Variants in PIEZO2 observed in about 807,000 individuals in gnomAD.
The protein encoded by PIEZO2 is piezo-type mechanosensitive ion channel component 2.
PIEZO2 carries 172 observed loss-of-function variants against 337.3 expected under a neutral mutation model. The ratio of observed to expected loss-of-function variants is 0.51; its 90% confidence interval spans 0.45 to 0.58. PIEZO2 has a LOEUF of 0.58. Among genes scored for constraint, PIEZO2 ranks in the 20% least tolerant of loss-of-function variants. The probability of loss-of-function intolerance (pLI) is 0.00; values close to 1 mark genes in which losing one functional copy is unlikely to be tolerated. For missense variants in PIEZO2, 3,028 were observed against 3,391.3 expected (o/e 0.89, Z 2.66); for synonymous variants, 1,251 against 1,228.5 (o/e 1.02, Z -0.38).
intron 33 of PIEZO2, 65 bp downstream of exon 33, chr18:10,740,966 T>A (rs1166706430): frequency 1.4e-6 from 2 of 1,476,080 alleles, no homozygotes; most frequent in Non-Finnish European, 1.8e-6. Context: ...CGGGAACGCC[T>A]GAATTCTGGT....
chr18:10,805,000 C>G (rs1479334954), intron 8 of PIEZO2, among the ~76,000 whole-genome samples: 1 of 152,164 alleles, frequency 6.6e-6, no homozygotes, highest in Non-Finnish European at 1.5e-5. Context: ...GGCCTATAGC[C>G]TAGAAGGTCT....
In PIEZO2 at chr18:10,976,785, G is replaced by A. The variant is rs143994898; in HGVS notation, c.286+2750C>T. ...CATATATTTAGGAGCGAGGTTAGGA[G>A]AGGCAGACCTAGCTCCTTAATACTG... is the stretch of plus-strand genomic sequence containing the variant. On this transcript the variant is annotated intron_variant, in intron 3 of 55. Transcript: ENST00000674853. Among the ~76,000 whole-genome samples, 476 of 152,246 alleles carry A rather than the reference G, an allele frequency of 3.1e-3. 3 individuals carry two copies. Among genetic ancestry groups the A allele is most frequent in the African/African-American group, 0.011 (448 of 41,528 alleles).
chr18:10,713,679 T>C lies in PIEZO2; in HGVS notation c.5423+1085A>G, dbSNP rs1326034961. Among the ~76,000 whole-genome samples the C allele has an allele frequency of 6.6e-6, 1 of 152,216 alleles. No homozygotes were observed. The highest frequency in any genetic ancestry group is 1.5e-5 in the Non-Finnish European group (1 of 68,044). On this transcript the variant is annotated intron_variant, in intron 39 of 55. Coordinates refer to ENST00000674853, the MANE Select transcript of PIEZO2 (RefSeq NM_001378183.1). The surrounding 1 kb of genome is among the most constrained non-coding windows in gnomAD (Gnocchi z 4.5). ...TTAGGGGATTACTCTTATCTTTATATGCCTCTCCCAGAATAGAGCCCAGGG... is the reference window on the plus strand; with the variant it reads ...TTAGGGGATTACTCTTATCTTTATACGCCTCTCCCAGAATAGAGCCCAGGG...
chr18:10,869,861 C>A (rs186161239), intron 5 of PIEZO2, among the ~76,000 whole-genome samples: 1 of 152,014 alleles, frequency 6.6e-6, no homozygotes, highest in African/African-American at 2.4e-5. Context: ...TATCTTTTAC[C>A]CATAAGAATT....
At position 10,863,676 on chromosome 18, in the gene PIEZO2, C is replaced by A. The variant is rs2041933218; in HGVS notation, c.493-6465G>T. ...GAACTATTCTGACCCTGCACTTGAA[C>A]TTTTTTAAAACTTCCCAGGTTAATT... On this transcript the variant is annotated intron_variant, in intron 5 of 55. Coordinates refer to ENST00000674853, the MANE Select transcript of PIEZO2 (RefSeq NM_001378183.1). The surrounding 1 kb of genome is among the most constrained non-coding windows in gnomAD (Gnocchi z 4.3). Among the ~76,000 whole-genome samples the A allele has an allele frequency of 1.3e-5, 2 of 152,300 alleles. No homozygotes were observed. The highest frequency in any genetic ancestry group is 4.1e-4 in the South Asian group (2 of 4,822).
rs2144666845 is a variant in PIEZO2, at chr18:10,850,873, A to T, written c.917+4480T>A. On this transcript the variant is annotated intron_variant, in intron 7 of 55. Transcript: ENST00000674853. This position sits in a 1 kb window ranked among gnomAD's most constrained non-coding sequence, Gnocchi z 4.5. Reference sequence around the variant, plus strand: ...TTTTATTTTTCCAAATGACCAAAAAACATGTGTTTAGTATAACAGTGTGAC... The same window carrying T: ...TTTTATTTTTCCAAATGACCAAAAATCATGTGTTTAGTATAACAGTGTGAC... Among the ~76,000 whole-genome samples, 1 of 152,294 alleles carries T rather than the reference A, an allele frequency of 6.6e-6. No homozygotes were observed. The highest frequency in any genetic ancestry group is 2.1e-4 in the South Asian group (1 of 4,828).
intron 3 of PIEZO2, among the ~76,000 whole-genome samples, chr18:10,950,894 A>G (rs2033261476): frequency 6.6e-6 from 1 of 152,230 alleles, no homozygotes; most frequent in Non-Finnish European, 1.5e-5. Flanking sequence ...CTCCTTTTCT[A>G]AAATCGCTCT....
chr18:10,680,781 A>T (rs1056577147), intron 51 of PIEZO2, among the ~76,000 whole-genome samples: 1 of 152,338 alleles, frequency 6.6e-6, no homozygotes, highest in South Asian at 2.1e-4. Context: ...ATTGTTCCAG[A>T]TTAGTTTTGA....
At chr18:11,072,883 G>T (rs1356079734) in intron 1 of PIEZO2, among the ~76,000 whole-genome samples, 1 of 152,160 alleles carries the variant, frequency 6.6e-6, no homozygotes, top group Non-Finnish European at 1.5e-5. Flanking sequence ...CCTCCCCCAG[G>T]CAACAACTGC....
At chr18:10,743,088 C>T (rs553397066) in intron 31 of PIEZO2, among the ~76,000 whole-genome samples, 2 of 152,134 alleles carry the variant, frequency 1.3e-5, no homozygotes, top group Admixed American at 1.3e-4. Flanking sequence ...AAACATGAGT[C>T]CAAATTTGTT....
At chr18:11,055,894 A>G (rs186601720) in intron 2 of PIEZO2, among the ~76,000 whole-genome samples, 1 of 152,282 alleles carries the variant, frequency 6.6e-6, no homozygotes, top group Admixed American at 6.5e-5. Context: ...TCAAGGTCCC[A>G]CCACCTCTAT....
chr18:11,046,086 C>T (rs1027991938), intron 2 of PIEZO2, among the ~76,000 whole-genome samples: 1 of 152,182 alleles, frequency 6.6e-6, no homozygotes, highest in African/African-American at 2.4e-5. Flanking sequence ...GTCCCCTAAC[C>T]TCCTCCCCCA....
intron 2 of PIEZO2, among the ~76,000 whole-genome samples, chr18:11,041,722 TATAA>T (rs1295943394): frequency 1.2e-4 from 18 of 152,342 alleles, no homozygotes; most frequent in African/African-American, 4.3e-4. Flanking sequence ...AACGACAACT[TATAA>T]AAATGTAAAT....
chr18:10,849,377 A>C (rs1007328651), intron 7 of PIEZO2, among the ~76,000 whole-genome samples: 17 of 151,864 alleles, frequency 1.1e-4, no homozygotes, highest in African/African-American at 3.6e-4. Flanking sequence ...ATGTGCGGCC[A>C]AACTATTAAA....
intron 21 of PIEZO2, among the ~76,000 whole-genome samples, chr18:10,764,281 T>A (rs1310221603): frequency 6.6e-6 from 1 of 152,204 alleles, no homozygotes; most frequent in Admixed American, 6.5e-5. Flanking sequence ...ACTAAACATG[T>A]ACCAAGCATT....
Position 10,853,943 on chromosome 18 carries a change from G to T in PIEZO2, c.917+1410C>A, listed in dbSNP as rs2041628460. ...CAATTTAACCCCAAAAAAGTTTTAA[G>T]AATTTGTTGTTGAACCAGGATCTGA... is the stretch of plus-strand genomic sequence containing the variant. On this transcript the variant is annotated intron_variant, in intron 7 of 55. Coordinates refer to ENST00000674853, the MANE Select transcript of PIEZO2 (RefSeq NM_001378183.1). This position sits in a 1 kb window ranked among gnomAD's most constrained non-coding sequence, Gnocchi z 4.2. Among the ~76,000 whole-genome samples the T allele has an allele frequency of 6.6e-6, 1 of 152,180 alleles. No individual in the cohort carries two copies. The highest frequency in any genetic ancestry group is 2.4e-5 in the African/African-American group (1 of 41,444).
At chr18:10,931,984 G>T (rs264254) in intron 3 of PIEZO2, among the ~76,000 whole-genome samples, 1 of 151,878 alleles carries the variant, frequency 6.6e-6, no homozygotes, top group Non-Finnish European at 1.5e-5. Context: ...CTTAGATACG[G>T]ATATATCTTT....
chr18:10,848,866 A>G lies in PIEZO2; in HGVS notation c.917+6487T>C, dbSNP rs986120030. Among the ~76,000 whole-genome samples, 10 of 152,330 alleles carry G rather than the reference A, an allele frequency of 6.6e-5. No individual in the cohort carries two copies. The East Asian group carries it at 7.7e-4, about 12-fold the overall frequency. ...TTTACATTATGATGAAGGAAATCAT[A>G]GGCATCCATTTCAGCCTCCTGCCAT... On this transcript the variant is annotated intron_variant, in intron 7 of 55. Transcript: ENST00000674853.
In PIEZO2 at chr18:10,807,290, G is replaced by GA; in HGVS notation, c.918-17dup. ...ACCAAACAACCTGTTAAAAAACAAA[G>GA]AAAAATGCTTAAAAGATGCAATAAG... On this transcript the variant is annotated splice_polypyrimidine_tract_variant and intron_variant, in intron 7 of 55. Transcript: ENST00000674853. 3 of 1,527,944 alleles carry GA rather than the reference G, an allele frequency of 2.0e-6. No homozygotes were observed. Among genetic ancestry groups the GA allele is most frequent in the Non-Finnish European group, 2.6e-6 (3 of 1,140,812 alleles). The allele number at this position is 1,527,944 out of a possible 1,614,324, so 94.6% of individuals were successfully genotyped here. A position where few individuals can be genotyped will look rare whatever the true frequency, so the allele number is the denominator to read the frequency against.
Sources: allele counts gnomAD v4.1 joint callset (sites outside exome capture counted in the v4.1 genomes callset), GRCh38; gene constraint gnomAD v4.1.1; non-coding constraint Gnocchi (gnomAD v3.1); transcripts MANE v1.5; gene names NCBI Gene and HGNC (gene_info 2026-07-23, HGNC 2026-07-21).